CACNG7: variants seen among roughly 807,000 people sequenced by gnomAD.
CACNG7 encodes the protein calcium voltage-gated channel auxiliary subunit gamma 7.
In CACNG7, 9 loss-of-function variants were observed where a neutral mutation model predicts 26.3. That is an observed-to-expected ratio of 0.34 (90% confidence interval 0.21 to 0.60). CACNG7 has a LOEUF of 0.60. CACNG7 is among the 20% of genes least tolerant of loss of function. The pLI is 0.81. For synonymous variants in CACNG7, 170 were observed against 157.0 expected (o/e 1.08, Z -0.62); for missense variants, 297 against 380.4 (o/e 0.78, Z 1.82).
chr19:53,921,097 GT>G (rs1446694746), intron 4 of CACNG7, among the ~76,000 whole-genome samples: 2 of 76,184 alleles, frequency 2.6e-5, no homozygotes, highest in Admixed American at 1.2e-4. Context: ...TGGTGGAGTT[GT>G]CCCCAGGCCT....
At chr19:53,931,591 G>A (rs2069071681) in intron 4 of CACNG7, among the ~76,000 whole-genome samples, 1 of 150,128 alleles carries the variant, frequency 6.7e-6, no homozygotes, top group Admixed American at 6.7e-5. Flanking sequence ...AGGAAGCTGA[G>A]GCAGGAGAAT....
chr19:53,918,678 T>C (rs1228491169), intron 4 of CACNG7, among the ~76,000 whole-genome samples: 2 of 152,236 alleles, frequency 1.3e-5, no homozygotes, highest in African/African-American at 4.8e-5. Flanking sequence ...ATGATAGTAG[T>C]ACTAGCGGTG....
In CACNG7 at chr19:53,915,300, G is replaced by C. The variant is rs1160953867; in HGVS notation, c.284-65G>C. On this transcript the variant is annotated intron_variant, in intron 3 of 5. Coordinates refer to ENST00000391767, the MANE Select transcript of CACNG7 (RefSeq NM_031896.5). ...CAGAGGTGGTGAGAGCAGAGGTCAA[G>C]GAATGGGGAAGTGTCCCACTGGAGA... The C allele has an allele frequency of 4.7e-6, 6 of 1,266,010 alleles. No individual in the cohort carries two copies. The African/African-American group carries it at 7.3e-5, about 15-fold the overall frequency. 78.4% of individuals were successfully genotyped at this position (1,266,010 alleles called of 1,614,324 possible).
chr19:53,923,119 C>T lies in CACNG7; in HGVS notation c.424+7614C>T, dbSNP rs373286406. On this transcript the variant is annotated intron_variant, in intron 4 of 5. Transcript: ENST00000391767. ...CCCAGGCTGGTCATTGGTGGAGTTG[C>T]CCCAGGTCTGGTCATTGGTGGAGTT... Among the ~76,000 whole-genome samples, 8 of 111,532 alleles carry T rather than the reference C, an allele frequency of 7.2e-5. No homozygotes were observed. The East Asian group carries it at 8.8e-4, about 12-fold the overall frequency. 73.2% of individuals were successfully genotyped at this position (111,532 alleles called of 152,430 possible).
chr19:53,931,808 T>C (rs1188169224), intron 4 of CACNG7, among the ~76,000 whole-genome samples: 2 of 139,662 alleles, frequency 1.4e-5, no homozygotes, highest in South Asian at 2.4e-4. Context: ...GTCGCCCAGG[T>C]TGGAGTGCAG....
intron 2 of CACNG7, among the ~76,000 whole-genome samples, chr19:53,913,802 A>G (rs1224697281): frequency 3.8e-4 from 58 of 150,748 alleles, no homozygotes; most frequent in Non-Finnish European, 5.5e-4. Flanking sequence ...AAAAAAAAAA[A>G]AAAAAAGAAA....
intron 4 of CACNG7, among the ~76,000 whole-genome samples, chr19:53,925,298 TCTGGTCATTGGTGGAGTTGTCCCCAGGC>T (rs2069018416): frequency 1.6e-5 from 2 of 127,032 alleles, no homozygotes; most frequent in African/African-American, 6.3e-5. Context: ...TTGTCCCAGG[TCTGGTCATTGGTGGAGTTGTCCCCAGGC>T]CTGGTCATTG....
intron 5 of CACNG7, 119 bp downstream of exon 5, chr19:53,941,734 T>C: frequency 7.7e-7 from 1 of 1,297,482 alleles, no homozygotes. Flanking sequence ...CAGAGGGAGG[T>C]GGTAGCTGAG....
At chr19:53,928,419 G>A (rs2069048532) in intron 4 of CACNG7, among the ~76,000 whole-genome samples, 1 of 151,948 alleles carries the variant, frequency 6.6e-6, no homozygotes, top group South Asian at 2.1e-4. Flanking sequence ...TTACAAACGT[G>A]CACCACCATG....
At chr19:53,925,993 C>G (rs59191377) in intron 4 of CACNG7, among the ~76,000 whole-genome samples, 3,254 of 152,194 alleles carry the variant, frequency 0.021, 102 homozygotes, top group African/African-American at 0.073. Flanking sequence ...CCACATTAGC[C>G]CCTGATCATT....
At chr19:53,925,869 G>T (rs1348967921) in intron 4 of CACNG7, among the ~76,000 whole-genome samples, 2 of 152,200 alleles carry the variant, frequency 1.3e-5, no homozygotes, top group Non-Finnish European at 2.9e-5. Context: ...GAGGGATATT[G>T]ATGGAAGAAT....
At chr19:53,935,252 T>C (rs940051459) in intron 4 of CACNG7, among the ~76,000 whole-genome samples, 1 of 152,090 alleles carries the variant, frequency 6.6e-6, no homozygotes, top group East Asian at 1.9e-4. Context: ...ATTCAGGAAG[T>C]TTAAGGTCTA....
chr19:53,930,061 G>C (rs2069060512), intron 4 of CACNG7, among the ~76,000 whole-genome samples: 1 of 135,522 alleles, frequency 7.4e-6, no homozygotes, highest in Admixed American at 7.5e-5. Flanking sequence ...ATGTTAGATG[G>C]TGCTACATGC....
chr19:53,914,639 C>A (rs770097054), intron 3 of CACNG7, 53 bp downstream of exon 3: 5 of 1,518,110 alleles, frequency 3.3e-6, no homozygotes, highest in Non-Finnish European at 4.6e-6. Flanking sequence ...ACAGCCGAGT[C>A]GTGGAGTCCT....
chr19:53,938,176 G>T (rs920595151), intron 4 of CACNG7, among the ~76,000 whole-genome samples: 2 of 152,060 alleles, frequency 1.3e-5, no homozygotes, highest in Non-Finnish European at 2.9e-5. Flanking sequence ...GGGAGACCCT[G>T]TCTCTACAAA....
chr19:53,923,684 C>A lies in CACNG7; in HGVS notation c.424+8179C>A, dbSNP rs529380515. ...CAGGTCTGGTCATTGGTGGAGTTGT[C>A]CCAGGCCTGGTCATTGGTGGAGTTG... On this transcript the variant is annotated intron_variant, in intron 4 of 5. Transcript: ENST00000391767. 1.1e-4 allele frequency among the ~76,000 whole-genome samples: 15 copies of A among 135,862 alleles called. No individual in the cohort carries two copies. In the South Asian group the frequency reaches 2.8e-3, roughly 25 times the overall value. 89.1% of individuals were successfully genotyped at this position (135,862 alleles called of 152,430 possible).
Position 53,912,901 on chromosome 19 carries a change from G to GT in CACNG7, c.71dup (p.Gly25ArgfsTer7). 1 of 1,614,080 alleles carries GT rather than the reference G, an allele frequency of 6.2e-7. No homozygotes were observed. Among genetic ancestry groups the GT allele is most frequent in the South Asian group, 1.1e-5 (1 of 91,076 alleles). On this transcript the variant is annotated frameshift_variant, in exon 2 of 6. Coordinates refer to ENST00000391767, the MANE Select transcript of CACNG7 (RefSeq NM_031896.5). LOFTEE classifies it high-confidence loss of function. The surrounding 1 kb of genome is among the most constrained non-coding windows in gnomAD (Gnocchi z 4.6). ...GTTTGGTGCGTGTGGCCTGCTCCTG[G>GT]TAGGCATCGCGGTCAGCACTGACTA... is the stretch of plus-strand genomic sequence containing the variant.
chr19:53,914,667 G>A (rs996012817), intron 3 of CACNG7, 81 bp downstream of exon 3: 5 of 1,255,154 alleles, frequency 4.0e-6, no homozygotes, highest in Admixed American at 1.8e-5. Flanking sequence ...GGCAGGACTA[G>A]GGAAAGGGTG....
Position 53,940,487 on chromosome 19 carries a change from GC to G in CACNG7, c.425-978del, listed in dbSNP as rs2069130702. On this transcript the variant is annotated intron_variant, in intron 4 of 5. Transcript: ENST00000391767. This position sits in a 1 kb window ranked among gnomAD's most constrained non-coding sequence, Gnocchi z 4.1. ...TCCAGTCTGTTCCCAGCATCAACCA[GC>G]CCCCAAAGTTTCTTCTAACACTGGG... is the stretch of plus-strand genomic sequence containing the variant. Among the ~76,000 whole-genome samples the G allele has an allele frequency of 6.6e-6, 1 of 151,930 alleles. No individual in the cohort carries two copies. Among genetic ancestry groups the G allele is most frequent in the Non-Finnish European group, 1.5e-5 (1 of 68,006 alleles).
Sources: gnomAD v4.1 joint callset for allele counts (sites outside exome capture counted in the v4.1 genomes callset) on GRCh38, gnomAD v4.1.1 for gene constraint, Gnocchi (gnomAD v3.1) non-coding constraint, MANE v1.5 for transcripts, NCBI Gene and HGNC (gene_info 2026-07-23, HGNC 2026-07-21) for gene names.